LRCOL1: variants seen among roughly 807,000 people sequenced by gnomAD.
LRCOL1 encodes leucine rich colipase like 1.
LRCOL1 carries 21 observed loss-of-function variants against 21.6 expected under a neutral mutation model. The observed-to-expected ratio is 0.97, with a 90% CI of 0.69 to 1.40. LRCOL1 has a LOEUF of 1.40. Among genes scored for constraint, LRCOL1 ranks in the 40% most tolerant of loss-of-function variants. The pLI, the probability that LRCOL1 is intolerant of heterozygous loss-of-function variation, is 0.00. For synonymous variants in LRCOL1, 98 were observed against 90.1 expected (o/e 1.09, Z -0.49); for missense variants, 198 against 202.3 (o/e 0.98, Z 0.13).
rs920514882 is a variant in LRCOL1 at position 132,607,615 on chromosome 12, C to T, written c.-13-1351G>A. ...TGTCTCTGCCTCTGTCTCTCCCTGT[C>T]TCTCTGTCTCTCCCTCTGTCTCCCT... On this transcript the variant is annotated intron_variant, in intron 1 of 5. Coordinates refer to ENST00000376608, the MANE Select transcript of LRCOL1 (RefSeq NM_001195520.2). 2.0e-5 allele frequency among the ~76,000 whole-genome samples: 3 copies of T among 151,942 alleles called. No individual in the cohort carries two copies. In the South Asian group the frequency reaches 6.2e-4, roughly 32 times the overall value.
At chr12:132,603,667 A>G (rs2041257416) in intron 5 of LRCOL1, 8 of 984,802 alleles carry the variant, frequency 8.1e-6, no homozygotes, top group Non-Finnish European at 9.6e-6. Flanking sequence ...GCTGTGAACA[A>G]ACCTCACCTC....
Position 132,604,530 on chromosome 12 carries a change from G to C in LRCOL1, c.286C>G (p.Arg96Gly), listed in dbSNP as rs61745120. Residue 96 changes from arginine to glycine, a missense_variant, in exon 4 of 6, where the codon CGC (arginine) becomes GGC (glycine). Transcript: ENST00000376608. ...DSECQSSCCV[R>G]NNSPQELCTP... ...CACAACTCCTGCGGGCTGTTGTTGC[G>C]GACGCAGCAGCTGCTCTGGCACTCT... The C allele has an allele frequency of 1.5e-4, 229 of 1,536,138 alleles. No individual in the cohort carries two copies. The African/African-American group carries it at 2.6e-3, about 17-fold the overall frequency.
Position 132,606,890 on chromosome 12 carries a change from A to G in LRCOL1, c.-13-626T>C, listed in dbSNP as rs899285599. On this transcript the variant is annotated intron_variant, in intron 1 of 5. Transcript: ENST00000376608. This position sits in a 1 kb window ranked among gnomAD's most constrained non-coding sequence, Gnocchi z 4.6. ...ATTTCTTTTTAGCACTGCATGGAAA[A>G]TGGATTTTTTTTAACACATCGAGGC... Among the ~76,000 whole-genome samples, 19 of 152,148 alleles carry G rather than the reference A, an allele frequency of 1.2e-4. No homozygotes were observed. Among genetic ancestry groups the G allele is most frequent in the African/African-American group, 3.9e-4 (16 of 41,460 alleles).
At chr12:132,609,069 CG>C (rs1331476519) in intron 1 of LRCOL1, among the ~76,000 whole-genome samples, 1 of 152,144 alleles carries the variant, frequency 6.6e-6, no homozygotes, top group Non-Finnish European at 1.5e-5. Flanking sequence ...ACCCCTGCCC[CG>C]AATGTGATAT....
intron 2 of LRCOL1, chr12:132,605,875 C>A (rs2041301334): frequency 2.1e-6 from 1 of 478,834 alleles, no homozygotes; most frequent in Non-Finnish European, 3.7e-6. Flanking sequence ...TTGACGGTGG[C>A]CGTGGTGGCC....
Position 132,606,092 on chromosome 12 carries a change from C to T in LRCOL1, c.105+55G>A, listed in dbSNP as rs545178707. 109 of 1,514,332 alleles carry T rather than the reference C, an allele frequency of 7.2e-5. 2 individuals are homozygous for T. The South Asian group carries it at 1.3e-3, about 17-fold the overall frequency. The allele number at this position is 1,514,332 out of a possible 1,614,324, so 93.8% of individuals were successfully genotyped here. A position where few individuals can be genotyped will look rare whatever the true frequency, so the allele number is the denominator to read the frequency against. ...CAAGGGCCTCAGGGGCGCCCGGCAC[C>T]CACCTTATGGCGCGTGTGGGGCCTG... On this transcript the variant is annotated intron_variant, in intron 2 of 5. Coordinates refer to ENST00000376608, the MANE Select transcript of LRCOL1 (RefSeq NM_001195520.2). This position sits in a 1 kb window ranked among gnomAD's most constrained non-coding sequence, Gnocchi z 4.6.
chr12:132,604,949 T>A (rs2041284997), intron 2 of LRCOL1, 118 bp from the exon 3 acceptor site: 18 of 1,461,640 alleles, frequency 1.2e-5, no homozygotes, highest in Admixed American at 2.4e-5. Flanking sequence ...CAAACTTGGG[T>A]TTCCTGAGAA....
At chr12:132,603,990 C>T (rs1050634224) in intron 5 of LRCOL1, 2 of 1,329,348 alleles carry the variant, frequency 1.5e-6, no homozygotes, top group South Asian at 1.9e-5. Flanking sequence ...CCCCTCCCCG[C>T]GGCTCCGCAG....
intron 1 of LRCOL1, among the ~76,000 whole-genome samples, chr12:132,609,419 G>T (rs184725618): frequency 8.2e-4 from 125 of 152,322 alleles, no homozygotes; most frequent in Admixed American, 1.5e-3. Flanking sequence ...AAGACGGCCC[G>T]GGCATGGGGT....
At chr12:132,607,936 C>T (rs992375966) in intron 1 of LRCOL1, among the ~76,000 whole-genome samples, 5 of 134,160 alleles carry the variant, frequency 3.7e-5, no homozygotes, top group South Asian at 2.5e-4. Flanking sequence ...TCTGTCTCTC[C>T]CTCTCTTTCT....
chr12:132,604,657 G>T, intron 3 of LRCOL1, 49 bp downstream of exon 3: 1 of 1,527,596 alleles, frequency 6.5e-7, no homozygotes. Flanking sequence ...GGTAGGAGGG[G>T]GCCACAGGCA....
chr12:132,607,369 T>G (rs777726316), intron 1 of LRCOL1, among the ~76,000 whole-genome samples: 1 of 152,190 alleles, frequency 6.6e-6, no homozygotes, highest in East Asian at 1.9e-4. Context: ...CAAAACGATT[T>G]CTCCACACTG....
chr12:132,607,420 G>T (rs1462417141), intron 1 of LRCOL1, among the ~76,000 whole-genome samples: 1 of 152,232 alleles, frequency 6.6e-6, no homozygotes, highest in African/African-American at 2.4e-5. Flanking sequence ...CACCATGCAC[G>T]ATAACAAGAT....
At position 132,606,984 on chromosome 12, in the gene LRCOL1, C is replaced by T. The variant is rs988271270; in HGVS notation, c.-13-720G>A. ...CAGTGGTTCCCCTGATGAATTTGAA[C>T]GTGAGCACCTGCTGTGAGCGGGAGC... On this transcript the variant is annotated intron_variant, in intron 1 of 5. Coordinates refer to ENST00000376608, the MANE Select transcript of LRCOL1 (RefSeq NM_001195520.2). The surrounding 1 kb of genome is among the most constrained non-coding windows in gnomAD (Gnocchi z 4.6). Among the ~76,000 whole-genome samples the T allele has an allele frequency of 3.3e-5, 5 of 152,202 alleles. No individual in the cohort carries two copies. The highest frequency in any genetic ancestry group is 2.1e-4 in the South Asian group (1 of 4,836).
intron 1 of LRCOL1, among the ~76,000 whole-genome samples, chr12:132,609,359 G>A (rs989121371): frequency 7.9e-5 from 12 of 152,184 alleles, no homozygotes; most frequent in African/African-American, 1.4e-4. Context: ...ATGGCTGCAC[G>A]GCAACGTGAA....
intron 2 of LRCOL1, 188 bp downstream of exon 2, chr12:132,605,959 G>A (rs1367099125): frequency 3.3e-6 from 2 of 610,952 alleles, no homozygotes; most frequent in Non-Finnish European, 2.9e-6. Context: ...CCGGGCGTGT[G>A]GCCAGGAGAG....
In LRCOL1 at chr12:132,606,114, C is replaced by T. The variant is rs550178190; in HGVS notation, c.105+33G>A. The T allele has an allele frequency of 1.7e-5, 26 of 1,531,740 alleles. No homozygotes were observed. The South Asian group carries it at 2.7e-4, about 16-fold the overall frequency. The allele number at this position is 1,531,740 out of a possible 1,614,324, so 94.9% of individuals were successfully genotyped here. On this transcript the variant is annotated intron_variant, in intron 2 of 5. Coordinates refer to ENST00000376608, the MANE Select transcript of LRCOL1 (RefSeq NM_001195520.2). The surrounding 1 kb of genome is among the most constrained non-coding windows in gnomAD (Gnocchi z 4.6). ...CACCCACCTTATGGCGCGTGTGGGG[C>T]CTGCAGGGGCATCAGGGGTGCCCGG... is the stretch of plus-strand genomic sequence containing the variant.
intron 5 of LRCOL1, 106 bp from the exon 6 acceptor site, chr12:132,603,510 C>T (rs560028766): frequency 2.0e-4 from 301 of 1,533,564 alleles, no homozygotes; most frequent in Non-Finnish European, 2.5e-4. Context: ...GCACCAGCCT[C>T]GTGGGGGTCG....
chr12:132,603,487 A>G, intron 5 of LRCOL1, 83 bp from the exon 6 acceptor site: 1 of 1,535,426 alleles, frequency 6.5e-7, no homozygotes, highest in Non-Finnish European at 8.7e-7. Flanking sequence ...ACCCGGGGCC[A>G]CAGCATCTCC....
Sources: allele counts gnomAD v4.1 joint callset (sites outside exome capture counted in the v4.1 genomes callset), GRCh38; gene constraint gnomAD v4.1.1; non-coding constraint Gnocchi (gnomAD v3.1); transcripts MANE v1.5; gene names NCBI Gene and HGNC (gene_info 2026-07-23, HGNC 2026-07-21).